PHC3: variants seen among roughly 807,000 people sequenced by gnomAD.
PHC3 encodes the protein polyhomeotic-like protein 3.
PHC3 carries 13 observed loss-of-function variants against 107.4 expected under a neutral mutation model. The ratio of observed to expected loss-of-function variants is 0.12; its 90% CI spans 0.08 to 0.19. The LOEUF is 0.19. PHC3 is among the 10% of genes least tolerant of loss of function. The probability of loss-of-function intolerance (pLI) is 1.00; values close to 1 mark genes in which losing one functional copy is unlikely to be tolerated. For synonymous variants in PHC3, 456 were observed against 427.4 expected, an observed-to-expected ratio of 1.07 and a Z score of -0.83; for missense variants, 992 against 1,210.9, an observed-to-expected ratio of 0.82 and a Z score of 2.68.
Position 170,122,653 on chromosome 3 carries a change from A to G in PHC3, c.1880T>C (p.Leu627Ser). The change falls in exon 9 of 15, where the codon TTG becomes TCG. Residue 627 changes from leucine (L) to serine (S), a missense_variant. By Grantham distance (145) the Leu-to-Ser change is moderately radical. Around this residue, in one of 6 missense-constraint regions of PHC3, gnomAD observed 543 missense variants for 590.8 expected, o/e 0.92. Transcript: ENST00000495893. ...CCCCACTGTTATAGCTGCTGGAGACAAAGTGGGTGGTGGTGGGGTTCTATC... is the reference window on the plus strand; with the variant it reads ...CCCCACTGTTATAGCTGCTGGAGACGAAGTGGGTGGTGGTGGGGTTCTATC... ...RMDRTPPPPT[L>S]SPAAITVGRG... The G allele has an allele frequency of 6.2e-7, 1 of 1,613,976 alleles. No individual in the cohort carries two copies. Among genetic ancestry groups the G allele is most frequent in the Non-Finnish European group, 8.5e-7 (1 of 1,179,888 alleles).
At chr3:170,135,997 T>A (rs896469469) in intron 7 of PHC3, among the ~76,000 whole-genome samples, 1 of 152,148 alleles carries the variant, frequency 6.6e-6, no homozygotes, top group Non-Finnish European at 1.5e-5. Context: ...AGGAAAATAA[T>A]TATGCATAAT....
In PHC3 at chr3:170,136,442, C is replaced by G. The variant is rs1193441868; in HGVS notation, c.896G>C (p.Ser299Thr). The G allele has an allele frequency of 3.1e-6, 5 of 1,607,444 alleles. No homozygotes were observed. The highest frequency in any genetic ancestry group is 1.3e-5 in the African/African-American group (1 of 74,770). ...SRSTAVTRTS[S>T]IHQLIAPASY... is the part of the protein sequence containing the mutation. ...ACCTGGTGCTATTAACTGGTGAATA[C>G]TTGATGTCCGGGTGACAGCTGTGCT... is the stretch of plus-strand genomic sequence containing the variant. Residue 299 changes from serine to threonine, a missense_variant, in exon 7 of 15, where the codon AGT becomes ACT. By Grantham distance (58) the Ser-to-Thr change is moderately conservative. Around this residue, in one of 6 missense-constraint regions of PHC3, gnomAD observed 543 missense variants for 590.8 expected, o/e 0.92. Coordinates refer to ENST00000495893, the MANE Select transcript of PHC3 (RefSeq NM_024947.4).
intron 14 of PHC3, among the ~76,000 whole-genome samples, chr3:170,098,437 T>G (rs535950717): frequency 1.4e-3 from 211 of 152,296 alleles, no homozygotes; most frequent in Middle Eastern, 0.014. Flanking sequence ...ATAGTTACAT[T>G]ACACTTTTGG....
chr3:170,146,260 A>G (rs1329312171), intron 5 of PHC3, among the ~76,000 whole-genome samples: 6 of 151,822 alleles, frequency 4.0e-5, no homozygotes, highest in African/African-American at 1.2e-4. Flanking sequence ...CTGTAATCCC[A>G]GCTACTCGAG....
At chr3:170,135,255 ACT>A (rs1483226721) in intron 7 of PHC3, among the ~76,000 whole-genome samples, 3 of 151,886 alleles carry the variant, frequency 2.0e-5, no homozygotes. Flanking sequence ...GGTTCAAGTA[ACT>A]CTCATACCTC....
At chr3:170,138,461 G>A (rs1212786804) in intron 6 of PHC3, among the ~76,000 whole-genome samples, 2 of 152,098 alleles carry the variant, frequency 1.3e-5, no homozygotes, top group Non-Finnish European at 2.9e-5. Context: ...GGAGGCTGAG[G>A]CAGGCGGATC....
In PHC3 at chr3:170,093,484, T is replaced by A. The variant is rs1714317204; in HGVS notation, c.*3746A>T. The stretch of plus-strand genomic sequence containing the variant: ...TTAACAGTGTGTCCAGTCAGTTTCA[T>A]CCACTGGATATGGCTGTCAGGTCAG... On this transcript the variant is annotated 3_prime_UTR_variant, in exon 15 of 15. Transcript: ENST00000495893. 1 of 152,246 alleles carries A rather than the reference T, an allele frequency of 6.6e-6. No homozygotes were observed. Among genetic ancestry groups the A allele is most frequent in the Non-Finnish European group, 1.5e-5 (1 of 68,052 alleles). 9.4% of individuals were successfully genotyped at this position (152,246 alleles called of 1,614,324 possible).
At chr3:170,126,528 A>ATATATATTT (rs370421296) in intron 8 of PHC3, among the ~76,000 whole-genome samples, 5 of 90,616 alleles carry the variant, frequency 5.5e-5, no homozygotes, top group African/African-American at 2.2e-4. Flanking sequence ...ATATATATAT[A>ATATATATTT]TTTTTTTTTT....
chr3:170,111,644 A>G (rs1263259308), intron 11 of PHC3, among the ~76,000 whole-genome samples: 1 of 152,232 alleles, frequency 6.6e-6, no homozygotes. Flanking sequence ...TTCAAATTAA[A>G]ACCAATCAAA....
chr3:170,133,129 TGAG>T, intron 7 of PHC3, among the ~76,000 whole-genome samples: 1 of 152,130 alleles, frequency 6.6e-6, no homozygotes, highest in Non-Finnish European at 1.5e-5. Flanking sequence ...TTTTTCTAAT[TGAG>T]GACAAATAAT....
At chr3:170,138,047 T>G (rs552268939) in intron 6 of PHC3, among the ~76,000 whole-genome samples, 1 of 151,930 alleles carries the variant, frequency 6.6e-6, no homozygotes, top group East Asian at 1.9e-4. Flanking sequence ...ATACACAAAT[T>G]AGCCAGGCAT....
chr3:170,181,044 A>G (rs1171571194), intron 1 of PHC3, among the ~76,000 whole-genome samples: 1 of 151,668 alleles, frequency 6.6e-6, no homozygotes, highest in East Asian at 1.9e-4. Flanking sequence ...ATACCGTCAC[A>G]CCGACACACA....
intron 10 of PHC3, among the ~76,000 whole-genome samples, chr3:170,115,743 G>A (rs1404549762): frequency 1.3e-5 from 2 of 152,120 alleles, no homozygotes; most frequent in East Asian, 3.8e-4. Flanking sequence ...GTCTCCACCT[G>A]ACAAATAAGC....
chr3:170,152,201 C>T (rs1368053752), intron 4 of PHC3, among the ~76,000 whole-genome samples: 2 of 151,896 alleles, frequency 1.3e-5, no homozygotes, highest in Non-Finnish European at 2.9e-5. Context: ...GACAGAGTCT[C>T]GCTCTGTCGC....
intron 4 of PHC3, among the ~76,000 whole-genome samples, chr3:170,159,456 C>A (rs1462083484): frequency 6.6e-6 from 1 of 151,884 alleles, no homozygotes; most frequent in African/African-American, 2.4e-5. Flanking sequence ...AAATATCCCA[C>A]ACACAAAAAA....
chr3:170,151,845 C>A (rs961401213), intron 4 of PHC3, among the ~76,000 whole-genome samples: 5 of 152,114 alleles, frequency 3.3e-5, no homozygotes, highest in African/African-American at 9.7e-5. Flanking sequence ...CATAACCCAG[C>A]CCAAGACATT....
chr3:170,175,946 G>A (rs894242796), intron 2 of PHC3, among the ~76,000 whole-genome samples: 4 of 148,222 alleles, frequency 2.7e-5, no homozygotes, highest in Admixed American at 6.8e-5. Flanking sequence ...AACAAAACCC[G>A]GCCGGGCACG....
intron 11 of PHC3, among the ~76,000 whole-genome samples, chr3:170,108,345 T>C (rs1262921748): frequency 1.3e-5 from 2 of 152,154 alleles, no homozygotes; most frequent in East Asian, 1.9e-4. Flanking sequence ...TCAGTTTTAC[T>C]GGGGAAGCAG....
rs145613867 is a variant in PHC3, at chr3:170,097,605, A to G, written c.2834-221T>C. On this transcript the variant is annotated intron_variant, in intron 14 of 14. Coordinates refer to ENST00000495893, the MANE Select transcript of PHC3 (RefSeq NM_024947.4). This position sits in a 1 kb window ranked among gnomAD's most constrained non-coding sequence, Gnocchi z 4.1. Reference sequence around the variant, plus strand: ...AATCCAGGTAAAGCAATTTGCTTGGAATTCTTGCTCTAAAATAATGTTATA... The same window carrying G: ...AATCCAGGTAAAGCAATTTGCTTGGGATTCTTGCTCTAAAATAATGTTATA... Among the ~76,000 whole-genome samples the G allele has an allele frequency of 1.2e-3, 187 of 152,258 alleles. 2 individuals carry two copies. The highest frequency in any genetic ancestry group is 4.3e-3 in the African/African-American group (179 of 41,542).
Sources: gnomAD v4.1 joint callset for allele counts (sites outside exome capture counted in the v4.1 genomes callset) on GRCh38, gnomAD v4.1.1 for gene constraint, gnomAD v4.1.1 regional missense constraint, Gnocchi (gnomAD v3.1) non-coding constraint, MANE v1.5 for transcripts, NCBI Gene and HGNC (gene_info 2026-07-23, HGNC 2026-07-21) for gene names.